DHX9: variants seen among roughly 807,000 people sequenced by gnomAD.
DHX9 encodes the protein DExH-box helicase 9.
In DHX9, 27 loss-of-function variants were observed where a neutral mutation model predicts 148.7. The ratio of observed to expected loss-of-function variants is 0.18; its 90% CI spans 0.13 to 0.25. DHX9 has a LOEUF of 0.25. Ranked by LOEUF, DHX9 falls within the 10% of genes least tolerant of loss-of-function variation. The pLI is 1.00. For synonymous variants in DHX9, 529 were observed against 516.6 expected (o/e 1.02, Z -0.33); for missense variants, 796 against 1,559.6 (o/e 0.51, Z 8.25).
Position 182,842,102 on chromosome 1 carries a change from G to C in DHX9, c.-22-443G>C, listed in dbSNP as rs376243125. ...TTTAGGCCTCCACGGTGGGTGACTT[G>C]GAAGTTACTTTTTTAAATCTTAGTT... On this transcript the variant is annotated intron_variant, in intron 1 of 27. Transcript: ENST00000367549. Among the ~76,000 whole-genome samples the C allele has an allele frequency of 6.6e-5, 10 of 152,234 alleles. No individual in the cohort carries two copies. The East Asian group carries it at 9.6e-4, about 15-fold the overall frequency.
intron 15 of DHX9, among the ~76,000 whole-genome samples, chr1:182,873,762 C>G (rs1313273604): frequency 2.6e-5 from 4 of 152,048 alleles, no homozygotes; most frequent in African/African-American, 4.8e-5. Flanking sequence ...AGGGATATGC[C>G]CCACATTCAG....
Position 182,852,302 on chromosome 1 carries a change from A to T in DHX9, c.322A>T (p.Thr108Ser). 1 of 1,613,122 alleles carries T rather than the reference A, an allele frequency of 6.2e-7. No homozygotes were observed. The highest frequency in any genetic ancestry group is 8.5e-7 in the Non-Finnish European group (1 of 1,179,644). Reference sequence around the variant, plus strand: ...AAATGCTGAAGGAGATTTACCAACAACCATGGGAGGACCTCTTCCTCCACA... The same window carrying T: ...AAATGCTGAAGGAGATTTACCAACATCCATGGGAGGACCTCTTCCTCCACA... ...TANAEGDLPT[T>S]MGGPLPPHLA... is the part of the protein sequence containing the mutation. Residue 108 changes from threonine (T) to serine (S), a missense_variant, in exon 4 of 28, where the codon ACC (threonine) becomes TCC (serine). Coordinates refer to ENST00000367549, the MANE Select transcript of DHX9 (RefSeq NM_001357.5).
chr1:182,880,699 C>CA (rs146667415), intron 22 of DHX9, 91 bp downstream of exon 22: 1,965 of 668,342 alleles, frequency 2.9e-3, no homozygotes, highest in Non-Finnish European at 3.4e-3. Context: ...CTCAGATAGA[C>CA]AAAAAAAAAA....
intron 12 of DHX9, 110 bp downstream of exon 12, chr1:182,860,294 G>A (rs1387032655): frequency 2.1e-6 from 2 of 930,602 alleles, no homozygotes; most frequent in African/African-American, 1.7e-5. Flanking sequence ...TTGTGCCCTT[G>A]AAATTAAATT....
At chr1:182,860,425 A>G (rs1668340071) in intron 12 of DHX9, 2 of 277,238 alleles carry the variant, frequency 7.2e-6, no homozygotes, top group Non-Finnish European at 1.3e-5. Context: ...CTCTGGGCCT[A>G]GAATCAGACT....
At chr1:182,876,298 G>GA (rs1648758033) in intron 17 of DHX9, 35 bp downstream of exon 17, 1 of 1,603,110 alleles carries the variant, frequency 6.2e-7, no homozygotes, top group African/African-American at 1.3e-5. Context: ...ATTTGAGAGT[G>GA]AAAATGAATG....
chr1:182,881,147 C>A (rs1417051254), intron 22 of DHX9, 117 bp from the exon 23 acceptor site: 2 of 1,054,664 alleles, frequency 1.9e-6, no homozygotes, highest in Non-Finnish European at 2.7e-6. Context: ...AGTTTCATTG[C>A]AAATAAAAGT....
intron 3 of DHX9, among the ~76,000 whole-genome samples, chr1:182,845,093 T>TA (rs1408895482): frequency 3.3e-5 from 5 of 152,366 alleles, no homozygotes; most frequent in African/African-American, 1.2e-4. Flanking sequence ...TCGATAGACT[T>TA]ACTTTCCGGT....
At chr1:182,848,752 A>G (rs1354276054) in intron 3 of DHX9, among the ~76,000 whole-genome samples, 1 of 152,248 alleles carries the variant, frequency 6.6e-6, no homozygotes, top group East Asian at 1.9e-4. Flanking sequence ...CAGGCTTTAC[A>G]GGAAGTGTGG....
Position 182,876,886 on chromosome 1 carries a change from T to C in DHX9, c.2181T>C (p.Tyr727=). 6.2e-7 allele frequency: 1 copy of C among 1,612,208 alleles called. No individual in the cohort carries two copies. The highest frequency in any genetic ancestry group is 8.5e-7 in the Non-Finnish European group (1 of 1,179,134). The change falls in exon 19 of 28, where the codon TAT becomes TAC. Residue 727 remains tyrosine (Y), a synonymous_variant. Transcript: ENST00000367549. ...ETSITINDVV[Y]VIDSCKQKVK... ...GCATTACCATAAACGATGTTGTTTA[T>C]GTCATTGACTCCTGCAAGTAAGTTA...
chr1:182,862,162 A>G (rs1179383368), intron 12 of DHX9, among the ~76,000 whole-genome samples: 1 of 152,218 alleles, frequency 6.6e-6, no homozygotes, highest in African/African-American at 2.4e-5. Context: ...ACTTGTAGCC[A>G]TCTATAGGAA....
chr1:182,887,334 G>A lies in DHX9; in HGVS notation c.3713G>A (p.Ser1238Asn). 6.2e-7 allele frequency: 1 copy of A among 1,614,158 alleles called. No individual in the cohort carries two copies. Among genetic ancestry groups the A allele is most frequent in the South Asian group, 1.1e-5 (1 of 91,082 alleles). ...TCTGGAGGAGACTACAGAGGGCCTAGTGGAGGCTACAGAGGATCTGGGGGA... is the reference window on the plus strand; with the variant it reads ...TCTGGAGGAGACTACAGAGGGCCTAATGGAGGCTACAGAGGATCTGGGGGA... Reference protein sequence around the residue: ...GNSGGDYRGPSGGYRGSGGFQ... With the variant: ...GNSGGDYRGPNGGYRGSGGFQ... Residue 1238 changes from serine to asparagine, a missense_variant, in exon 28 of 28, where the codon AGT becomes AAT. This residue lies in a region of DHX9 where 98 missense variants were observed against 105.5 expected (regional missense o/e 0.93). Transcript: ENST00000367549.
chr1:182,846,207 C>G (rs1349794204), intron 3 of DHX9, among the ~76,000 whole-genome samples: 4 of 151,686 alleles, frequency 2.6e-5, no homozygotes, highest in African/African-American at 9.7e-5. Flanking sequence ...GATTTCTATG[C>G]CAGGGAAATG....
intron 27 of DHX9, 86 bp downstream of exon 27, chr1:182,884,899 C>A: frequency 7.8e-7 from 1 of 1,275,864 alleles, no homozygotes; most frequent in Non-Finnish European, 1.1e-6. Context: ...GTGATAGAAG[C>A]CCTATTACTT....
intron 27 of DHX9, among the ~76,000 whole-genome samples, chr1:182,886,328 T>G (rs1377561382): frequency 6.6e-6 from 1 of 152,068 alleles, no homozygotes; most frequent in Admixed American, 6.6e-5. Flanking sequence ...CCCGAGCAGC[T>G]GGGATTACAG....
rs750678785 is a variant in DHX9 at position 182,887,365 on chromosome 1, G to T, written c.3744G>T (p.Gln1248His). 5 of 1,614,044 alleles carry T rather than the reference G, an allele frequency of 3.1e-6. No homozygotes were observed. In the African/African-American group the frequency reaches 6.7e-5, roughly 22 times the overall value. The change falls in exon 28 of 28, where the codon CAG (glutamine) becomes CAT (histidine). Residue 1248 changes from glutamine (Q) to histidine (H), a missense_variant. Physicochemically the swap from Gln to His is conservative, Grantham distance 24. Around this residue, in one of 14 missense-constraint regions of DHX9, gnomAD observed 98 missense variants for 105.5 expected, o/e 0.93. Coordinates refer to ENST00000367549, the MANE Select transcript of DHX9 (RefSeq NM_001357.5). ...SGGYRGSGGF[Q>H]RGGGRGAYGT... is the part of the protein sequence containing the mutation. ...GCTACAGAGGATCTGGGGGATTCCA[G>T]CGAGGAGGTGGTAGGGGGGCCTATG...
intron 3 of DHX9, among the ~76,000 whole-genome samples, chr1:182,851,042 G>A (rs1001947445): frequency 6.6e-6 from 1 of 152,152 alleles, no homozygotes; most frequent in African/African-American, 2.4e-5. Context: ...GGACAAGTTA[G>A]CATTGTGGTG....
At position 182,887,648 on chromosome 1, in the gene DHX9, C is replaced by T. The variant is rs1056539574; in HGVS notation, c.*214C>T. On this transcript the variant is annotated 3_prime_UTR_variant, in exon 28 of 28. Coordinates refer to ENST00000367549, the MANE Select transcript of DHX9 (RefSeq NM_001357.5). The stretch of plus-strand genomic sequence containing the variant: ...ATATAACGATCTCTTAAAAATACCA[C>T]AGTTTGTATTTTTTCTTTAAGGAGT... 6.1e-6 allele frequency: 3 copies of T among 489,698 alleles called. No homozygotes were observed. Among genetic ancestry groups the T allele is most frequent in the African/African-American group, 5.7e-5 (3 of 52,376 alleles). 30.3% of individuals were successfully genotyped at this position (489,698 alleles called of 1,614,324 possible).
intron 20 of DHX9, among the ~76,000 whole-genome samples, chr1:182,878,632 A>T (rs1175008630): frequency 2.0e-5 from 3 of 152,202 alleles, no homozygotes; most frequent in Admixed American, 6.5e-5. Flanking sequence ...TACAGGTCAG[A>T]TATCTCTTTT....
Sources: gnomAD v4.1 joint callset for allele counts (sites outside exome capture counted in the v4.1 genomes callset) on GRCh38, gnomAD v4.1.1 for gene constraint, gnomAD v4.1.1 regional missense constraint, MANE v1.5 for transcripts, NCBI Gene and HGNC (gene_info 2026-07-23, HGNC 2026-07-21) for gene names.